The following DNAI4 variants were observed in gnomAD, a reference collection of about 807,000 sequenced individuals.
The protein encoded by DNAI4 is dynein axonemal intermediate chain 4, also known as WD repeat domain 78.
Under a neutral mutation model 105.8 loss-of-function variants are expected in DNAI4, and 85 were observed. The ratio of observed to expected loss-of-function variants is 0.80; its 90% CI spans 0.67 to 0.96. DNAI4 has a LOEUF of 0.96. Among genes scored for constraint, DNAI4 ranks in the 40% least tolerant of loss-of-function variants. The pLI is 0.00. For missense variants in DNAI4, 1,014 were observed against 1,005.6 expected (o/e 1.01, Z -0.11); for synonymous variants, 352 against 331.5 (o/e 1.06, Z -0.67).
intron 1 of DNAI4, among the ~76,000 whole-genome samples, chr1:66,923,258 T>C (rs1650673508): frequency 6.6e-6 from 1 of 152,232 alleles, no homozygotes; most frequent in South Asian, 2.1e-4. Flanking sequence ...CAAACCTAGA[T>C]GTATAGCCTA....
At chr1:66,879,989 T>C (rs1485844096) in intron 4 of DNAI4, among the ~76,000 whole-genome samples, 1 of 150,086 alleles carries the variant, frequency 6.7e-6, no homozygotes. Context: ...GGGTGGGTCT[T>C]TCCTGCACTG....
At chr1:66,849,922 A>G (rs1344971227) in intron 7 of DNAI4, among the ~76,000 whole-genome samples, 1 of 152,128 alleles carries the variant, frequency 6.6e-6, no homozygotes, top group Non-Finnish European at 1.5e-5. Flanking sequence ...AACCTCTGCA[A>G]CCATAACAAC....
intron 1 of DNAI4, among the ~76,000 whole-genome samples, chr1:66,919,992 T>G (rs1650347851): frequency 6.6e-6 from 1 of 152,236 alleles, no homozygotes; most frequent in Admixed American, 6.5e-5. Context: ...GGCAGGTCCC[T>G]GGCGAGGGCC....
intron 2 of DNAI4, among the ~76,000 whole-genome samples, chr1:66,902,976 T>C (rs1449264119): frequency 2.6e-5 from 4 of 152,232 alleles, no homozygotes; most frequent in African/African-American, 7.2e-5. Flanking sequence ...TCAGGCAGTA[T>C]GAGACTTCCA....
At chr1:66,909,830 T>C (rs1363755730) in intron 1 of DNAI4, among the ~76,000 whole-genome samples, 1 of 152,224 alleles carries the variant, frequency 6.6e-6, no homozygotes, top group East Asian at 1.9e-4. Flanking sequence ...CTCTTCCCTA[T>C]TTTTGTTAAG....
intron 8 of DNAI4, among the ~76,000 whole-genome samples, chr1:66,842,090 G>C (rs1268824312): frequency 1.3e-5 from 2 of 152,134 alleles, no homozygotes; most frequent in African/African-American, 4.8e-5. Context: ...ACAGTATGTG[G>C]CCTTTCAAAT....
chr1:66,872,132 G>A (rs750048614), intron 5 of DNAI4, among the ~76,000 whole-genome samples: 31 of 152,094 alleles, frequency 2.0e-4, no homozygotes, highest in African/African-American at 7.2e-4. Context: ...ATTAAGAGAG[G>A]TGTGTTTAAA....
chr1:66,837,380 A>AC (rs1557910119), intron 10 of DNAI4, among the ~76,000 whole-genome samples: 1 of 151,690 alleles, frequency 6.6e-6, no homozygotes, highest in South Asian at 2.1e-4. Flanking sequence ...AAAAAAAAAA[A>AC]AAAACATAAT....
At chr1:66,909,199 T>A (rs181608231) in intron 1 of DNAI4, among the ~76,000 whole-genome samples, 18 of 152,156 alleles carry the variant, frequency 1.2e-4, no homozygotes, top group African/African-American at 4.3e-4. Context: ...ACTTCACCTG[T>A]CTTTCCAGCT....
intron 13 of DNAI4, among the ~76,000 whole-genome samples, chr1:66,832,344 G>A (rs1400045121): frequency 6.6e-6 from 1 of 152,188 alleles, no homozygotes; most frequent in Non-Finnish European, 1.5e-5. Flanking sequence ...AGGAGCTCAA[G>A]TTTTGGTTTG....
At chr1:66,879,316 T>C (rs1304357150) in intron 4 of DNAI4, among the ~76,000 whole-genome samples, 2 of 152,234 alleles carry the variant, frequency 1.3e-5, no homozygotes, top group Non-Finnish European at 2.9e-5. Flanking sequence ...TTATTTGACT[T>C]AGCAATAAGT....
chr1:66,860,078 T>A (rs1004268590), intron 7 of DNAI4, among the ~76,000 whole-genome samples: 22 of 151,646 alleles, frequency 1.5e-4, no homozygotes, highest in Middle Eastern at 6.8e-3. Context: ...AGTAGAGAGA[T>A]GAAGGGATTT....
At chr1:66,868,161 C>T (rs994108659) in intron 6 of DNAI4, among the ~76,000 whole-genome samples, 10 of 152,106 alleles carry the variant, frequency 6.6e-5, no homozygotes, top group African/African-American at 2.4e-4. Context: ...ATAGGGATTC[C>T]TAATGCCTTG....
rs1334626218 is a variant in DNAI4, at chr1:66,835,842, GTGGC to G, written c.1582-69_1582-66del. On this transcript the variant is annotated intron_variant, in intron 10 of 16. Transcript: ENST00000371026. ...GACCACAGTAAGGCAGAATATAATG[GTGGC>G]TGAGATTTAGTTTGGTGGCAGTGGG... The G allele has an allele frequency of 3.4e-6, 5 of 1,478,842 alleles. No homozygotes were observed. The Admixed American group carries it at 8.5e-5, about 25-fold the overall frequency. The allele number at this position is 1,478,842 out of a possible 1,614,324, so 91.6% of individuals were successfully genotyped here.
intron 1 of DNAI4, among the ~76,000 whole-genome samples, chr1:66,907,824 G>A (rs976715056): frequency 1.3e-5 from 2 of 152,120 alleles, no homozygotes; most frequent in African/African-American, 4.8e-5. Context: ...GGTCATACAT[G>A]TGGCTTTTGT....
intron 7 of DNAI4, chr1:66,848,435 A>T: frequency 2.8e-6 from 1 of 359,858 alleles, no homozygotes; most frequent in Non-Finnish European, 5.4e-6. Context: ...CTCTTTTGCC[A>T]TGTTAGGTAA....
At chr1:66,864,541 A>G (rs1000884891) in intron 6 of DNAI4, among the ~76,000 whole-genome samples, 3 of 152,216 alleles carry the variant, frequency 2.0e-5, no homozygotes, top group Non-Finnish European at 2.9e-5. Flanking sequence ...ATCTGCTATA[A>G]AAGAAAAAAC....
chr1:66,826,461 G>A (rs1433929298), intron 15 of DNAI4, among the ~76,000 whole-genome samples: 1 of 152,014 alleles, frequency 6.6e-6, no homozygotes, highest in Non-Finnish European at 1.5e-5. Flanking sequence ...ACCACACCTG[G>A]CTAGTTTTTG....
chr1:66,918,148 G>C (rs1267373230), intron 1 of DNAI4, among the ~76,000 whole-genome samples: 11 of 152,290 alleles, frequency 7.2e-5, no homozygotes, highest in African/African-American at 2.2e-4. Context: ...CAGTTTAAAA[G>C]CCTATGTAAA....
Sources: gnomAD v4.1 joint callset for allele counts (sites outside exome capture counted in the v4.1 genomes callset) on GRCh38, gnomAD v4.1.1 for gene constraint, MANE v1.5 for transcripts, NCBI Gene and HGNC (gene_info 2026-07-23, HGNC 2026-07-21) for gene names.